FGF12: variants seen among roughly 807,000 people sequenced by gnomAD.
FGF12 encodes the protein fibroblast growth factor 12B.
In FGF12, 14 loss-of-function variants were observed where a neutral mutation model predicts 23.6. The observed-to-expected ratio is 0.59, with a 90% CI of 0.39 to 0.93. FGF12 has a LOEUF of 0.93. FGF12 is among the 40% of genes least tolerant of loss of function. The pLI is 0.00. For missense variants in FGF12, 175 were observed against 217.8 expected, an observed-to-expected ratio of 0.80 and a Z score of 1.24; for synonymous variants, 62 against 77.3, an observed-to-expected ratio of 0.80 and a Z score of 1.04.
At chr3:192,378,137 G>T (rs767425635) in intron 2 of FGF12, among the ~76,000 whole-genome samples, 1 of 131,658 alleles carries the variant, frequency 7.6e-6, no homozygotes. Flanking sequence ...TTTTCTCAGT[G>T]TCTCACTCTG....
rs559941251 is a variant in FGF12, at chr3:192,378,556, G to A, written c.14-18018C>T. Reference sequence around the variant, plus strand: ...AAATTTAAGATTTCCAAAAGTAACGGAACAGGGATTCATTTTCGTCATTTT... The same window carrying A: ...AAATTTAAGATTTCCAAAAGTAACGAAACAGGGATTCATTTTCGTCATTTT... On this transcript the variant is annotated intron_variant, in intron 2 of 5. Transcript: ENST00000445105. Among the ~76,000 whole-genome samples the A allele has an allele frequency of 5.5e-4, 83 of 152,180 alleles. 2 individuals are homozygous for A. The highest frequency in any genetic ancestry group is 6.8e-3 in the Middle Eastern group (2 of 294).
intron 2 of FGF12, among the ~76,000 whole-genome samples, chr3:192,558,086 A>T (rs1025521839): frequency 2.0e-5 from 3 of 151,864 alleles, no homozygotes; most frequent in African/African-American, 7.2e-5. Flanking sequence ...TAATTAGGTA[A>T]GAAAAAATAA....
chr3:192,455,606 T>C (rs1722657017), intron 2 of FGF12, among the ~76,000 whole-genome samples: 1 of 152,228 alleles, frequency 6.6e-6, no homozygotes, highest in Non-Finnish European at 1.5e-5. Context: ...CTTTTTTATT[T>C]AACATTATAT....
intron 2 of FGF12, among the ~76,000 whole-genome samples, chr3:192,637,250 C>A (rs954804720): frequency 6.6e-6 from 1 of 152,208 alleles, no homozygotes; most frequent in Non-Finnish European, 1.5e-5. Flanking sequence ...TAGCCATGTT[C>A]TGCACCTCTC....
At chr3:192,711,292 G>C (rs988425139) in intron 2 of FGF12, among the ~76,000 whole-genome samples, 6 of 127,116 alleles carry the variant, frequency 4.7e-5, no homozygotes, top group African/African-American at 1.9e-4. Context: ...GAGGTGGGGG[G>C]CAGCCCCCAC....
At chr3:192,646,657 G>A (rs1396426014) in intron 2 of FGF12, among the ~76,000 whole-genome samples, 1 of 152,134 alleles carries the variant, frequency 6.6e-6, no homozygotes, top group African/African-American at 2.4e-5. Context: ...AATGTTCATA[G>A]TAGGCAAATC....
At chr3:192,404,641 C>G (rs954102624) in intron 2 of FGF12, among the ~76,000 whole-genome samples, 1 of 152,186 alleles carries the variant, frequency 6.6e-6, no homozygotes, top group African/African-American at 2.4e-5. Flanking sequence ...TAAGTACACT[C>G]TTTTCTCATT....
intron 4 of FGF12, among the ~76,000 whole-genome samples, chr3:192,277,355 C>T (rs1269926510): frequency 1.3e-5 from 2 of 151,618 alleles, no homozygotes; most frequent in Non-Finnish European, 2.9e-5. Flanking sequence ...ACACTTATTA[C>T]TTTTATTGGG....
intron 2 of FGF12, among the ~76,000 whole-genome samples, chr3:192,493,514 T>C (rs1428376531): frequency 6.6e-6 from 1 of 152,158 alleles, no homozygotes; most frequent in Non-Finnish European, 1.5e-5. Context: ...CGTCAGGACT[T>C]GCACTTCTAT....
rs191226773 is a variant in FGF12 at position 192,328,305 on chromosome 3, T to C, written c.228+7056A>G. 5.2e-3 allele frequency among the ~76,000 whole-genome samples: 798 copies of C among 152,302 alleles called. 10 individuals are homozygous for C. Among genetic ancestry groups the C allele is most frequent in the African/African-American group, 0.018 (764 of 41,580 alleles). On this transcript the variant is annotated intron_variant, in intron 4 of 5. Coordinates refer to ENST00000445105, the MANE Select transcript of FGF12 (RefSeq NM_004113.6). ...TATGATTTAGGGTAGGGGCTTTGGG[T>C]CACACAATATCTGTGGAGTCAGAGG...
intron 4 of FGF12, among the ~76,000 whole-genome samples, chr3:192,319,463 G>A (rs1288912018): frequency 5.9e-5 from 9 of 151,984 alleles, no homozygotes; most frequent in Non-Finnish European, 1.3e-4. Context: ...CGGGTGTGGT[G>A]GTGCATGCCT....
chr3:192,340,478 T>G (rs1717638108), intron 3 of FGF12, among the ~76,000 whole-genome samples: 1 of 152,176 alleles, frequency 6.6e-6, no homozygotes, highest in Admixed American at 6.5e-5. Context: ...ATTTGCAGAC[T>G]AAATAATACT....
chr3:192,376,154 T>C (rs1203005353), intron 2 of FGF12, among the ~76,000 whole-genome samples: 1 of 151,938 alleles, frequency 6.6e-6, no homozygotes, highest in African/African-American at 2.4e-5. Context: ...AGCTTCTTTA[T>C]ATATATTTCC....
At chr3:192,591,360 G>A (rs1713615340) in intron 2 of FGF12, among the ~76,000 whole-genome samples, 1 of 151,642 alleles carries the variant, frequency 6.6e-6, no homozygotes, top group African/African-American at 2.4e-5. Context: ...TTCTGGACAT[G>A]CTCGGCTCCC....
At chr3:192,407,722 T>TAAA (rs67940766) in intron 2 of FGF12, among the ~76,000 whole-genome samples, 3 of 145,802 alleles carry the variant, frequency 2.1e-5, no homozygotes, top group Admixed American at 6.7e-5. Flanking sequence ...AATGAATGAA[T>TAAA]TAATGAATGA....
intron 4 of FGF12, among the ~76,000 whole-genome samples, chr3:192,279,633 G>A (rs564216606): frequency 3.9e-5 from 6 of 152,088 alleles, no homozygotes; most frequent in South Asian, 2.1e-4. Context: ...CAAAGCCAGC[G>A]TCTACACCAG....
chr3:192,458,485 T>C (rs1415683212), intron 2 of FGF12, among the ~76,000 whole-genome samples: 1 of 152,196 alleles, frequency 6.6e-6, no homozygotes, highest in Non-Finnish European at 1.5e-5. Flanking sequence ...AGGAAATCAA[T>C]TTGGAACTTT....
chr3:192,305,854 GTTTTTT>G (rs755560177), intron 4 of FGF12, among the ~76,000 whole-genome samples: 3 of 77,444 alleles, frequency 3.9e-5, no homozygotes, highest in African/African-American at 1.3e-4. Context: ...CATCTCTCTG[GTTTTTT>G]TTTTTTTTTT....
At chr3:192,507,301 T>C (rs1423477326) in intron 2 of FGF12, among the ~76,000 whole-genome samples, 1 of 150,892 alleles carries the variant, frequency 6.6e-6, no homozygotes, top group Non-Finnish European at 1.5e-5. Context: ...TAGTTTATAC[T>C]GCCATTAGCA....
Sources: gnomAD v4.1 joint callset for allele counts (sites outside exome capture counted in the v4.1 genomes callset) on GRCh38, gnomAD v4.1.1 for gene constraint, MANE v1.5 for transcripts, NCBI Gene and HGNC (gene_info 2026-07-23, HGNC 2026-07-21) for gene names.